Variants in PRKN observed in about 807,000 individuals in gnomAD.
PRKN encodes the protein E3 ubiquitin-protein ligase parkin.
PRKN carries 56 observed loss-of-function variants against 59.5 expected under a neutral mutation model. The observed-to-expected ratio is 0.94, with a 90% CI of 0.76 to 1.18. The LOEUF is 1.18. Among genes scored for constraint, PRKN ranks in the 50% most tolerant of loss-of-function variants. The pLI is 0.00. For synonymous variants in PRKN, 250 were observed against 222.1 expected (o/e 1.13, Z -1.12); for missense variants, 657 against 596.4 (o/e 1.10, Z -1.06).
At position 161,461,626 on chromosome 6, in the gene PRKN, G is replaced by C. The variant is rs1423580485; in HGVS notation, c.1084-74749C>G. On this transcript the variant is annotated intron_variant, in intron 9 of 11. Transcript: ENST00000366898. This position sits in a 1 kb window ranked among gnomAD's most constrained non-coding sequence, Gnocchi z 5.1. ...CAGCCACTGGAGATAAAAGGGTCTG[G>C]AATACATGCACGGAGGATTCTAAGT... 6.6e-6 allele frequency among the ~76,000 whole-genome samples: 1 copy of C among 152,128 alleles called. No individual in the cohort carries two copies. Among genetic ancestry groups the C allele is most frequent in the African/African-American group, 2.4e-5 (1 of 41,426 alleles).
At chr6:162,538,635 T>C (rs948851940) in intron 1 of PRKN, among the ~76,000 whole-genome samples, 2 of 152,158 alleles carry the variant, frequency 1.3e-5, no homozygotes, top group Non-Finnish European at 2.9e-5. Context: ...AGACAGAATC[T>C]CTGAGGCAAC....
chr6:162,088,130 C>G (rs1257238849), intron 4 of PRKN, among the ~76,000 whole-genome samples: 1 of 152,134 alleles, frequency 6.6e-6, no homozygotes, highest in Admixed American at 6.5e-5. Context: ...TCCACAGTCT[C>G]ATAATTCAAC....
In PRKN at chr6:161,548,461, C is replaced by T. The variant is rs566473269; in HGVS notation, c.1083+393G>A. 6.6e-6 allele frequency among the ~76,000 whole-genome samples: 1 copy of T among 152,304 alleles called. No individual in the cohort carries two copies. Among genetic ancestry groups the T allele is most frequent in the Non-Finnish European group, 1.5e-5 (1 of 68,030 alleles). On this transcript the variant is annotated intron_variant, in intron 9 of 11. Transcript: ENST00000366898. The surrounding 1 kb of genome is among the most constrained non-coding windows in gnomAD (Gnocchi z 4.2). ...TGAAATACTCAGGCAAACAATGTCA[C>T]TAAGACGTCACTGATGGAGAATTCT... is the stretch of plus-strand genomic sequence containing the variant.
rs2115430059 is a variant in PRKN, at chr6:161,550,352, G to A, written c.934-1349C>T. On this transcript the variant is annotated intron_variant, in intron 8 of 11. Coordinates refer to ENST00000366898, the MANE Select transcript of PRKN (RefSeq NM_004562.3). This position sits in a 1 kb window ranked among gnomAD's most constrained non-coding sequence, Gnocchi z 4.0. ...ACCACTGCAGAACTCTGAGGCTGAG[G>A]CATGACATAATTTGACTAATATTTT... Among the ~76,000 whole-genome samples the A allele has an allele frequency of 6.6e-6, 1 of 152,314 alleles. No homozygotes were observed. Among genetic ancestry groups the A allele is most frequent in the African/African-American group, 2.4e-5 (1 of 41,564 alleles).
rs185761082 is a variant in PRKN at position 161,529,446 on chromosome 6, G to C, written c.1083+19408C>G. On this transcript the variant is annotated intron_variant, in intron 9 of 11. Coordinates refer to ENST00000366898, the MANE Select transcript of PRKN (RefSeq NM_004562.3). This position sits in a 1 kb window ranked among gnomAD's most constrained non-coding sequence, Gnocchi z 4.4. ...AGCTCCGAGTCTTAGAGATGGAAGA[G>C]GCCTCCTTTTGTAGAGGAACGGGAA... Among the ~76,000 whole-genome samples the C allele has an allele frequency of 4.9e-4, 75 of 152,294 alleles. No individual in the cohort carries two copies. Among genetic ancestry groups the C allele is most frequent in the Non-Finnish European group, 9.1e-4 (62 of 68,034 alleles).
rs547764465 is a variant in PRKN, at chr6:162,455,573, T to C, written c.8-12100A>G. ...AATCTTAAGGGACCACCATCATATA[T>C]GTGGTCCCTCATTGACTGAAATGTT... On this transcript the variant is annotated intron_variant, in intron 1 of 11. Transcript: ENST00000366898. 2.0e-5 allele frequency among the ~76,000 whole-genome samples: 3 copies of C among 152,270 alleles called. No homozygotes were observed. In the East Asian group the frequency reaches 5.8e-4, roughly 29 times the overall value.
intron 2 of PRKN, among the ~76,000 whole-genome samples, chr6:162,404,991 T>C (rs915626366): frequency 2.0e-5 from 3 of 152,196 alleles, no homozygotes; most frequent in South Asian, 2.1e-4. Context: ...ACTAGGCCTA[T>C]ATTATTAATG....
At chr6:162,279,662 C>T (rs1178141202) in intron 2 of PRKN, among the ~76,000 whole-genome samples, 2 of 152,028 alleles carry the variant, frequency 1.3e-5, no homozygotes, top group African/African-American at 2.4e-5. Context: ...ATTTGGGGTG[C>T]AGAGTTCTAT....
intron 6 of PRKN, among the ~76,000 whole-genome samples, chr6:161,933,987 C>T (rs1269787748): frequency 6.6e-6 from 1 of 152,216 alleles, no homozygotes; most frequent in Non-Finnish European, 1.5e-5. Context: ...GTTTATAATG[C>T]TGATATGGTT....
rs1790147318 is a variant in PRKN, at chr6:161,460,352, G to A, written c.1084-73475C>T. On this transcript the variant is annotated intron_variant, in intron 9 of 11. Transcript: ENST00000366898. The surrounding 1 kb of genome is among the most constrained non-coding windows in gnomAD (Gnocchi z 5.0). ...TTGCTTGGGAATAATGGGCAAAGGA[G>A]GTGCCATACTCCCTCTGGATAGTCT... is the stretch of plus-strand genomic sequence containing the variant. 6.6e-6 allele frequency among the ~76,000 whole-genome samples: 1 copy of A among 152,162 alleles called. No individual in the cohort carries two copies. The highest frequency in any genetic ancestry group is 2.4e-5 in the African/African-American group (1 of 41,444).
At chr6:162,526,141 C>G (rs933452372) in intron 1 of PRKN, among the ~76,000 whole-genome samples, 5 of 151,986 alleles carry the variant, frequency 3.3e-5, no homozygotes, top group Non-Finnish European at 7.4e-5. Flanking sequence ...CTGCACCCAG[C>G]CTTTTAATTT....
chr6:161,627,378 A>G (rs1783127888), intron 7 of PRKN, among the ~76,000 whole-genome samples: 1 of 152,254 alleles, frequency 6.6e-6, no homozygotes, highest in South Asian at 2.1e-4. Context: ...AGAGAACACC[A>G]TGGAATATGG....
In PRKN at chr6:161,977,541, G is replaced by GTTTTTTTTTTTTT. The variant is rs1562433349; in HGVS notation, c.619-4125_619-4124insAAAAAAAAAAAAA. ...TATCTTCTCTACTTTCTGTTTTTTT[G>GTTTTTTTTTTTTT]GTTTTTTTTTTTTTTTTTTTTTTTA... On this transcript the variant is annotated intron_variant, in intron 5 of 11. Transcript: ENST00000366898. Among the ~76,000 whole-genome samples, 21 of 98,708 alleles carry GTTTTTTTTTTTTT rather than the reference G, an allele frequency of 2.1e-4. 1 individual carries two copies. Among genetic ancestry groups the GTTTTTTTTTTTTT allele is most frequent in the African/African-American group, 9.7e-4 (21 of 21,646 alleles). The allele number at this position is 98,708 out of a possible 152,430, so 64.8% of individuals were successfully genotyped here. A position where few individuals can be genotyped will look rare whatever the true frequency, so the allele number is the denominator to read the frequency against.
chr6:162,524,026 C>G (rs1178372534), intron 1 of PRKN, among the ~76,000 whole-genome samples: 2 of 151,916 alleles, frequency 1.3e-5, no homozygotes, highest in African/African-American at 4.8e-5. Flanking sequence ...CCTTTCTGTG[C>G]CCCCGTTATA....
intron 7 of PRKN, among the ~76,000 whole-genome samples, chr6:161,745,008 T>TA (rs1583092140): frequency 6.6e-6 from 1 of 152,194 alleles, no homozygotes; most frequent in African/African-American, 2.4e-5. Flanking sequence ...AGAAAAGCTT[T>TA]AAAATGTGCC....
intron 4 of PRKN, among the ~76,000 whole-genome samples, chr6:162,096,774 T>TC (rs1779753916): frequency 9.4e-6 from 1 of 106,702 alleles, no homozygotes; most frequent in Non-Finnish European, 2.1e-5. Flanking sequence ...CCATTTAACC[T>TC]CTTTTTTTTT....
At chr6:161,869,288 A>C (rs1381080608) in intron 6 of PRKN, among the ~76,000 whole-genome samples, 1 of 152,134 alleles carries the variant, frequency 6.6e-6, no homozygotes, top group African/African-American at 2.4e-5. Flanking sequence ...CTGAGGCAGG[A>C]GAATTGCTGG....
At chr6:162,549,360 G>T (rs536510831) in intron 1 of PRKN, among the ~76,000 whole-genome samples, 1 of 152,238 alleles carries the variant, frequency 6.6e-6, no homozygotes, top group East Asian at 1.9e-4. Context: ...TTTCTATGAA[G>T]TTTGTTTTGA....
At chr6:162,380,831 C>T (rs1231509188) in intron 2 of PRKN, among the ~76,000 whole-genome samples, 1 of 152,014 alleles carries the variant, frequency 6.6e-6, no homozygotes, top group Non-Finnish European at 1.5e-5. Flanking sequence ...ACATTCAGCA[C>T]ATAAATAAGG....
Sources: gnomAD v4.1 joint callset for allele counts (sites outside exome capture counted in the v4.1 genomes callset) on GRCh38, gnomAD v4.1.1 for gene constraint, Gnocchi (gnomAD v3.1) non-coding constraint, MANE v1.5 for transcripts, NCBI Gene and HGNC (gene_info 2026-07-23, HGNC 2026-07-21) for gene names.